SPINT1: variants seen among roughly 807,000 people sequenced by gnomAD.
The protein encoded by SPINT1 is serine peptidase inhibitor, Kunitz type 1, also known as kunitz-type protease inhibitor 1.
SPINT1 carries 38 observed loss-of-function variants against 53.7 expected under a neutral mutation model. That is an observed-to-expected ratio of 0.71 (90% confidence interval 0.55 to 0.93). SPINT1 has a LOEUF of 0.93. Among genes scored for constraint, SPINT1 ranks in the 40% least tolerant of loss-of-function variants. SPINT1 has a pLI of 0.00. For synonymous variants in SPINT1, 283 were observed against 280.6 expected (o/e 1.01, Z -0.08); for missense variants, 645 against 692.9 (o/e 0.93, Z 0.78).
Position 40,854,100 on chromosome 15 carries a change from C to A in SPINT1, c.940+14C>A. 1 of 1,533,214 alleles carries A rather than the reference C, an allele frequency of 6.5e-7. No individual in the cohort carries two copies. The highest frequency in any genetic ancestry group is 8.8e-7 in the Non-Finnish European group (1 of 1,142,816). The allele number at this position is 1,533,214 out of a possible 1,614,324, so 95.0% of individuals were successfully genotyped here. ...GGCGCCATCCAGGTGGGCTTTACTC[C>A]CCTCCCCATCCCCCATCCCCACCAC... On this transcript the variant is annotated intron_variant, in intron 6 of 10. Coordinates refer to ENST00000562057, the MANE Select transcript of SPINT1 (RefSeq NM_003710.4).
intron 6 of SPINT1, 32 bp from the exon 7 acceptor site, chr15:40,854,365 G>T: frequency 1.3e-6 from 2 of 1,521,998 alleles, no homozygotes; most frequent in Non-Finnish European, 1.8e-6. Flanking sequence ...CTTGTTCTTT[G>T]CTTGAGCCTG....
intron 2 of SPINT1, among the ~76,000 whole-genome samples, chr15:40,850,612 G>A (rs1208085778): frequency 2.0e-5 from 3 of 152,130 alleles, no homozygotes; most frequent in Non-Finnish European, 4.4e-5. Context: ...CTCTAAATCC[G>A]GTTTCCCTTC....
chr15:40,849,643 G>T (rs1891398104), intron 2 of SPINT1, among the ~76,000 whole-genome samples: 1 of 152,228 alleles, frequency 6.6e-6, no homozygotes. Flanking sequence ...CTCTGAGGGG[G>T]TGGATAACCT....
Position 40,844,541 on chromosome 15 carries a change from T to A in SPINT1, c.-14T>A. On this transcript the variant is annotated 5_prime_UTR_variant, in exon 2 of 11. Coordinates refer to ENST00000562057, the MANE Select transcript of SPINT1 (RefSeq NM_003710.4). The surrounding 1 kb of genome is among the most constrained non-coding windows in gnomAD (Gnocchi z 5.8). ...GCCCGCGCTCTGAAGGTGACCCCCC[T>A]GGGGAGGAAGGCGATGGCCCCTGCG... is the stretch of plus-strand genomic sequence containing the variant. 1 of 1,610,052 alleles carries A rather than the reference T, an allele frequency of 6.2e-7. No homozygotes were observed.
intron 10 of SPINT1, 78 bp downstream of exon 10, chr15:40,856,401 C>G: frequency 6.4e-7 from 1 of 1,570,832 alleles, no homozygotes. Context: ...GTTGTGACAG[C>G]CTAACCTGTG....
chr15:40,853,802 C>A lies in SPINT1; in HGVS notation c.834C>A (p.Phe278Leu), dbSNP rs753069864. ...YDPTEQICKSFVYGGCLGNKN... is the reference protein window; with the variant it reads ...YDPTEQICKSLVYGGCLGNKN... ...CCACGGAGCAGATCTGCAAGAGTTTCGTTTATGGAGGCTGCTTGGGCAACA... is the reference window on the plus strand; with the variant it reads ...CCACGGAGCAGATCTGCAAGAGTTTAGTTTATGGAGGCTGCTTGGGCAACA... The change falls in exon 5 of 11, where the codon TTC (phenylalanine) becomes TTA (leucine). Residue 278 changes from phenylalanine (F) to leucine (L), a missense_variant. Phe to Leu is a conservative substitution (Grantham distance 22). Transcript: ENST00000562057. 8 of 1,614,206 alleles carry A rather than the reference C, an allele frequency of 5.0e-6. No individual in the cohort carries two copies. Among genetic ancestry groups the A allele is most frequent in the Non-Finnish European group, 6.8e-6 (8 of 1,180,038 alleles).
intron 2 of SPINT1, among the ~76,000 whole-genome samples, chr15:40,851,952 C>T (rs1454055192): frequency 4.6e-5 from 7 of 152,158 alleles, no homozygotes; most frequent in African/African-American, 1.7e-4. Flanking sequence ...ACCCTGGAGG[C>T]GGAGGTTGCA....
chr15:40,845,172 A>C, intron 2 of SPINT1, 143 bp downstream of exon 2: 1 of 713,358 alleles, frequency 1.4e-6, no homozygotes, highest in Non-Finnish European at 2.2e-6. Context: ...TTTGCGACGG[A>C]GTCTCGCTCT....
At position 40,857,214 on chromosome 15, in the gene SPINT1, C is replaced by A; in HGVS notation, c.*239C>A. ...GAAGTACCAGACTAGATGGACCTGC[C>A]TGCATAGGAGTTTGGAGGAAGTTGG... On this transcript the variant is annotated 3_prime_UTR_variant, in exon 11 of 11. Transcript: ENST00000562057. 1 of 585,336 alleles carries A rather than the reference C, an allele frequency of 1.7e-6. No homozygotes were observed. 36.3% of individuals were successfully genotyped at this position (585,336 alleles called of 1,614,324 possible). A position where few individuals can be genotyped will look rare whatever the true frequency, so the allele number is the denominator to read the frequency against.
At chr15:40,855,801 G>A in intron 8 of SPINT1, 91 bp from the exon 9 acceptor site, 6 of 1,407,618 alleles carry the variant, frequency 4.3e-6, no homozygotes, top group African/African-American at 1.4e-5. Flanking sequence ...TGGCAGGTGG[G>A]GAGGTGCTGG....
At chr15:40,853,950 G>C in intron 5 of SPINT1, 69 bp downstream of exon 5, 1 of 1,613,172 alleles carries the variant, frequency 6.2e-7, no homozygotes, top group African/African-American at 1.3e-5. Context: ...TCTCTCTTCT[G>C]TGGCCAGGGA....
intron 2 of SPINT1, among the ~76,000 whole-genome samples, chr15:40,852,339 C>A (rs544954620): frequency 1.3e-5 from 2 of 152,204 alleles, no homozygotes; most frequent in Non-Finnish European, 2.9e-5. Context: ...ATCCTAATTA[C>A]TTCTGCAAAG....
At chr15:40,849,261 G>A (rs647930) in intron 2 of SPINT1, among the ~76,000 whole-genome samples, 95,234 of 148,204 alleles carry the variant, frequency 0.64, 32,865 homozygotes, top group East Asian at 0.85. Context: ...AAAAAAAAAA[G>A]AGAGAAATGG....
At chr15:40,850,184 T>G (rs1320541495) in intron 2 of SPINT1, among the ~76,000 whole-genome samples, 2 of 152,228 alleles carry the variant, frequency 1.3e-5, no homozygotes, top group Non-Finnish European at 2.9e-5. Flanking sequence ...GCAATTCTCC[T>G]GCCTCAGCCT....
Position 40,854,684 on chromosome 15 carries a change from ACAAAGGTGAGATCCTCCCCAGGTGCCCT to A in SPINT1, c.1113_1117+23del. On this transcript the variant is annotated splice_donor_variant and splice_donor_5th_base_variant and coding_sequence_variant and intron_variant, in exon 8 of 11. Transcript: ENST00000562057. LOFTEE classifies it high-confidence loss of function. Reference sequence around the variant, plus strand: ...CTCCAGCGCATCCATTTCCCCAGTGACAAAGGTGAGATCCTCCCCAGGTGCCCTGGATCAGGGCAGACGCTGACACTGC... The same window carrying A: ...CTCCAGCGCATCCATTTCCCCAGTGAGGATCAGGGCAGACGCTGACACTGC... 1.2e-6 allele frequency: 2 copies of A among 1,614,094 alleles called. No individual in the cohort carries two copies. The highest frequency in any genetic ancestry group is 1.1e-5 in the South Asian group (1 of 91,080).
intron 2 of SPINT1, among the ~76,000 whole-genome samples, chr15:40,846,018 G>A (rs1160682349): frequency 6.6e-6 from 1 of 152,236 alleles, no homozygotes; most frequent in Admixed American, 6.5e-5. Context: ...AGAGGCTCTG[G>A]GGTGGGGGAT....
rs1891625213 is a variant in SPINT1 at position 40,855,991 on chromosome 15, G to A, written c.1217G>A (p.Gly406Asp). ...FSEHCARFTY[G>D]GCYGNKNNFE... ...GAACACTGCGCCCGCTTTACCTATG[G>A]TGGTTGTTACGGCAACAAGAACAAC... The change falls in exon 9 of 11, where the codon GGT (glycine) becomes GAT (aspartate). Residue 406 changes from glycine to aspartate, a missense_variant. Physicochemically the swap from Gly to Asp is moderately conservative, Grantham distance 94. Coordinates refer to ENST00000562057, the MANE Select transcript of SPINT1 (RefSeq NM_003710.4). The A allele has an allele frequency of 1.9e-6, 3 of 1,614,216 alleles. No individual in the cohort carries two copies. The highest frequency in any genetic ancestry group is 2.5e-6 in the Non-Finnish European group (3 of 1,180,034).
intron 2 of SPINT1, among the ~76,000 whole-genome samples, chr15:40,847,093 C>T (rs1566852891): frequency 6.6e-6 from 1 of 152,192 alleles, no homozygotes; most frequent in South Asian, 2.1e-4. Flanking sequence ...CAGCCATCCT[C>T]ATCTGGAAAC....
At position 40,856,965 on chromosome 15, in the gene SPINT1, G is replaced by A. The variant is rs377450581; in HGVS notation, c.1532G>A (p.Arg511Gln). 8 of 1,613,842 alleles carry A rather than the reference G, an allele frequency of 5.0e-6. No individual in the cohort carries two copies. The highest frequency in any genetic ancestry group is 1.1e-5 in the South Asian group (1 of 91,030). The change falls in exon 11 of 11, where the codon CGG becomes CAG. Residue 511 changes from arginine to glutamine, a missense_variant. Transcript: ENST00000562057. ...TEHLVYNHTTRPL is the reference protein window; with the variant it reads ...TEHLVYNHTTQPL ...CACCTGGTCTATAACCACACCACGC[G>A]GCCCCTCTGAGCCTGGGTCTCACCG...
Sources: gnomAD v4.1 joint callset for allele counts (sites outside exome capture counted in the v4.1 genomes callset) on GRCh38, gnomAD v4.1.1 for gene constraint, Gnocchi (gnomAD v3.1) non-coding constraint, MANE v1.5 for transcripts, NCBI Gene and HGNC (gene_info 2026-07-23, HGNC 2026-07-21) for gene names.